The following CBFA2T3 variants were observed in gnomAD, a reference collection of about 807,000 sequenced individuals.
CBFA2T3 encodes the protein transcriptional corepressor CBFA2T3.
Under a neutral mutation model 58.6 loss-of-function variants are expected in CBFA2T3, and 31 were observed. That is an observed-to-expected ratio of 0.53 (90% CI 0.40 to 0.71). The LOEUF is 0.71. Ranked by LOEUF, CBFA2T3 falls within the 30% of genes least tolerant of loss-of-function variation. The pLI is 0.00. For synonymous variants in CBFA2T3, 531 were observed against 421.9 expected, an observed-to-expected ratio of 1.26 and a Z score of -3.17; for missense variants, 1,076 against 963.1, an observed-to-expected ratio of 1.12 and a Z score of -1.55.
At chr16:88,889,128 G>A (rs1253893037) in intron 5 of CBFA2T3, among the ~76,000 whole-genome samples, 8 of 151,786 alleles carry the variant, frequency 5.3e-5, no homozygotes, top group African/African-American at 1.2e-4. Flanking sequence ...ACTGGGAGGG[G>A]TGGAGTCCGC....
In CBFA2T3 at chr16:88,886,156, A is replaced by C; in HGVS notation, c.712-14T>G. The stretch of plus-strand genomic sequence containing the variant: ...GGGCAGGTTTGCCTGTGGGGTGGGG[A>C]AGGAGGGCCTGGGTAGCATGCAGGG... On this transcript the variant is annotated splice_polypyrimidine_tract_variant and intron_variant, in intron 5 of 11. Transcript: ENST00000268679. The C allele has an allele frequency of 6.6e-7, 1 of 1,519,378 alleles. No homozygotes were observed. The highest frequency in any genetic ancestry group is 2.3e-5 in the East Asian group (1 of 43,166). 94.1% of individuals were successfully genotyped at this position (1,519,378 alleles called of 1,614,324 possible).
Position 88,885,400 on chromosome 16 carries a change from G to A in CBFA2T3, c.894-131C>T, listed in dbSNP as rs1032978929. ...ACACGTAAGGGCGAGACAGAAACAC[G>A]GAGCAAAACACCAGCCCCGGGAAGC... On this transcript the variant is annotated intron_variant, in intron 6 of 11. Transcript: ENST00000268679. The surrounding 1 kb of genome is among the most constrained non-coding windows in gnomAD (Gnocchi z 5.3). 2.2e-5 allele frequency: 13 copies of A among 584,874 alleles called. No individual in the cohort carries two copies. The Middle Eastern group carries it at 1.3e-3, about 57-fold the overall frequency. 36.2% of individuals were successfully genotyped at this position (584,874 alleles called of 1,614,324 possible). A position where few individuals can be genotyped will look rare whatever the true frequency, so the allele number is the denominator to read the frequency against.
chr16:88,942,449 T>A (rs993795801), intron 1 of CBFA2T3, among the ~76,000 whole-genome samples: 1 of 152,120 alleles, frequency 6.6e-6, no homozygotes, highest in Non-Finnish European at 1.5e-5. Flanking sequence ...CAATCCCCAA[T>A]ATAAAAATAT....
At chr16:88,898,246 C>T in intron 2 of CBFA2T3, 94 bp from the exon 3 acceptor site, 3 of 966,974 alleles carry the variant, frequency 3.1e-6, no homozygotes, top group Non-Finnish European at 4.9e-6. Flanking sequence ...TCCTACTTCT[C>T]AGAGTGATTT....
At chr16:88,962,690 C>G (rs1972397531) in intron 1 of CBFA2T3, among the ~76,000 whole-genome samples, 1 of 152,244 alleles carries the variant, frequency 6.6e-6, no homozygotes, top group Admixed American at 6.5e-5. Context: ...CCTTCCCACC[C>G]AGCACCTCCT....
At chr16:88,903,051 C>T (rs764645916) in intron 1 of CBFA2T3, among the ~76,000 whole-genome samples, 9 of 152,208 alleles carry the variant, frequency 5.9e-5, no homozygotes, top group Non-Finnish European at 1.0e-4. Flanking sequence ...GGGCTGGTAT[C>T]TGTCGTGTTA....
intron 1 of CBFA2T3, among the ~76,000 whole-genome samples, chr16:88,926,391 G>A (rs981382050): frequency 3.3e-5 from 5 of 152,242 alleles, no homozygotes; most frequent in African/African-American, 1.2e-4. Flanking sequence ...CTATGGGCTG[G>A]GGGGCGTCTG....
At chr16:88,923,958 G>T (rs573480145) in intron 1 of CBFA2T3, among the ~76,000 whole-genome samples, 1 of 152,226 alleles carries the variant, frequency 6.6e-6, no homozygotes, top group Non-Finnish European at 1.5e-5. Context: ...CGAAGACCCT[G>T]GGATCTCATG....
chr16:88,918,927 C>T (rs946402666), intron 1 of CBFA2T3, among the ~76,000 whole-genome samples: 1 of 152,252 alleles, frequency 6.6e-6, no homozygotes, highest in Non-Finnish European at 1.5e-5. Context: ...TAGGAATAAA[C>T]AGTAACTTCT....
intron 1 of CBFA2T3, among the ~76,000 whole-genome samples, chr16:88,906,779 C>T (rs1293681385): frequency 6.6e-6 from 1 of 152,184 alleles, no homozygotes; most frequent in Non-Finnish European, 1.5e-5. Flanking sequence ...TGTTCTGGGT[C>T]TCAGAGCCCA....
chr16:88,958,744 G>A lies in CBFA2T3; in HGVS notation c.151+17913C>T, dbSNP rs1398665964. On this transcript the variant is annotated intron_variant, in intron 1 of 11. Transcript: ENST00000268679. The surrounding 1 kb of genome is among the most constrained non-coding windows in gnomAD (Gnocchi z 4.0). ...AAGGAGATGAACTTGCTCTCCCAGGGCTGGGGCCTCAGGGCCTCAGCGTAG... is the reference window on the plus strand; with the variant it reads ...AAGGAGATGAACTTGCTCTCCCAGGACTGGGGCCTCAGGGCCTCAGCGTAG... Among the ~76,000 whole-genome samples the A allele has an allele frequency of 6.6e-6, 1 of 152,040 alleles. No individual in the cohort carries two copies.
chr16:88,930,289 C>G (rs1256501256), intron 1 of CBFA2T3, among the ~76,000 whole-genome samples: 1 of 150,110 alleles, frequency 6.7e-6, no homozygotes, highest in East Asian at 1.9e-4. Flanking sequence ...GCAAAAGCTA[C>G]CAATACCCAC....
chr16:88,931,897 T>G (rs1971319275), intron 1 of CBFA2T3, among the ~76,000 whole-genome samples: 1 of 152,050 alleles, frequency 6.6e-6, no homozygotes, highest in African/African-American at 2.4e-5. Context: ...GGTAAGCACT[T>G]CGCCGGGGCA....
rs978780130 is a variant in CBFA2T3 at position 88,953,231 on chromosome 16, G to T, written c.151+23426C>A. Among the ~76,000 whole-genome samples, 1 of 152,190 alleles carries T rather than the reference G, an allele frequency of 6.6e-6. No homozygotes were observed. Among genetic ancestry groups the T allele is most frequent in the Non-Finnish European group, 1.5e-5 (1 of 68,034 alleles). ...GTCATGCTCAGCCAGACCCGCTCCC[G>T]GTGGAGAGGCCGAGGGACCCTCATT... On this transcript the variant is annotated intron_variant, in intron 1 of 11. Transcript: ENST00000268679. The surrounding 1 kb of genome is among the most constrained non-coding windows in gnomAD (Gnocchi z 4.9).
chr16:88,891,822 G>A (rs546515348), intron 5 of CBFA2T3, 60 bp downstream of exon 5: 5 of 1,190,472 alleles, frequency 4.2e-6, no homozygotes, highest in African/African-American at 3.1e-5. Flanking sequence ...CTGGCAAGGA[G>A]TGGGATTAAG....
rs753025057 is a variant in CBFA2T3 at position 88,892,343 on chromosome 16, G to A, written c.522C>T (p.Leu174=). ...HLPPACGARQ[L]SKLKRFLTTL... is the part of the protein sequence containing the mutation. ...TGGTGAGGAAGCGCTTGAGCTTGCT[G>A]AGCTGCCGGGCCCCGCAGGCTGGGG... The change falls in exon 4 of 12, where the codon CTC becomes CTT. Residue 174 remains leucine, a synonymous_variant. Transcript: ENST00000268679. The A allele has an allele frequency of 3.7e-6, 6 of 1,613,202 alleles. No homozygotes were observed. The highest frequency in any genetic ancestry group is 4.2e-6 in the Non-Finnish European group (5 of 1,179,986).
intron 1 of CBFA2T3, among the ~76,000 whole-genome samples, chr16:88,971,492 G>C (rs1597802820): frequency 6.6e-6 from 1 of 151,892 alleles, no homozygotes; most frequent in East Asian, 1.9e-4. Context: ...GGCAGAGCTG[G>C]GAGAGGAAGC....
At chr16:88,975,875 G>C (rs1047741374) in intron 1 of CBFA2T3, among the ~76,000 whole-genome samples, 1 of 152,248 alleles carries the variant, frequency 6.6e-6, no homozygotes, top group African/African-American at 2.4e-5. Flanking sequence ...GTCAGACCTT[G>C]GACCTGACGG....
At chr16:88,957,986 A>G (rs1386584427) in intron 1 of CBFA2T3, among the ~76,000 whole-genome samples, 1 of 152,210 alleles carries the variant, frequency 6.6e-6, no homozygotes, top group African/African-American at 2.4e-5. Flanking sequence ...GTGAGTTGTA[A>G]GATGTGTGGG....
Sources: gnomAD v4.1 joint callset for allele counts (sites outside exome capture counted in the v4.1 genomes callset) on GRCh38, gnomAD v4.1.1 for gene constraint, Gnocchi (gnomAD v3.1) non-coding constraint, MANE v1.5 for transcripts, NCBI Gene and HGNC (gene_info 2026-07-23, HGNC 2026-07-21) for gene names.